Variants in PEBP4 observed in about 807,000 individuals in gnomAD.
The protein encoded by PEBP4 is phosphatidylethanolamine-binding protein 4.
In PEBP4, 22 loss-of-function variants were observed where a neutral mutation model predicts 23.9. The ratio of observed to expected loss-of-function variants is 0.92; its 90% CI spans 0.66 to 1.31. The LOEUF is 1.31. Among genes scored for constraint, PEBP4 ranks in the 40% most tolerant of loss-of-function variants. The pLI is 0.00. For missense variants in PEBP4, 324 were observed against 281.7 expected (o/e 1.15, Z -1.07); for synonymous variants, 112 against 99.3 (o/e 1.13, Z -0.76).
chr8:22,810,078 C>T (rs1190400483), intron 4 of PEBP4, among the ~76,000 whole-genome samples: 4 of 152,244 alleles, frequency 2.6e-5, no homozygotes, highest in Admixed American at 1.3e-4. Flanking sequence ...AAAACTTCCC[C>T]CACTGGTCCT....
intron 4 of PEBP4, among the ~76,000 whole-genome samples, chr8:22,749,651 C>T (rs1805204304): frequency 6.6e-6 from 1 of 152,108 alleles, no homozygotes; most frequent in South Asian, 2.1e-4. Context: ...TATGCAGGCA[C>T]CAATGAGCTG....
At chr8:22,720,085 C>T (rs1432415121) in intron 6 of PEBP4, among the ~76,000 whole-genome samples, 1 of 152,138 alleles carries the variant, frequency 6.6e-6, no homozygotes, top group East Asian at 1.9e-4. Context: ...GGCACAGGGA[C>T]AGGTGGGAGA....
intron 4 of PEBP4, among the ~76,000 whole-genome samples, chr8:22,785,454 GC>G (rs1372876604): frequency 6.6e-6 from 1 of 152,100 alleles, no homozygotes; most frequent in East Asian, 1.9e-4. Context: ...TCTCGGAGAC[GC>G]CCTATCTCTG....
intron 3 of PEBP4, among the ~76,000 whole-genome samples, chr8:22,917,007 A>G (rs781503818): frequency 2.6e-5 from 4 of 152,096 alleles, no homozygotes; most frequent in Non-Finnish European, 5.9e-5. Flanking sequence ...GCAGGGTCCA[A>G]AGACGCCAAG....
chr8:22,793,433 A>ATT (rs11315221), intron 4 of PEBP4, among the ~76,000 whole-genome samples: 95 of 120,320 alleles, frequency 7.9e-4, no homozygotes, highest in Non-Finnish European at 9.1e-4. Flanking sequence ...CGCCCAGCTC[A>ATT]TTTTTTTTTT....
At chr8:22,844,049 G>T (rs367888864) in intron 3 of PEBP4, among the ~76,000 whole-genome samples, 1 of 152,138 alleles carries the variant, frequency 6.6e-6, no homozygotes, top group African/African-American at 2.4e-5. Context: ...ATAATAACTG[G>T]AGTGCTCATA....
chr8:22,751,630 C>CTG lies in PEBP4; in HGVS notation c.358-24412_358-24411dup, dbSNP rs66800038. On this transcript the variant is annotated intron_variant, in intron 4 of 6. Transcript: ENST00000256404. ...TGTGTCTGTGTGTGTGTGTGTGTCT[C>CTG]TGTGTGTGTGTGTGTGTGTGTGTGT... 6.9e-3 allele frequency among the ~76,000 whole-genome samples: 951 copies of CTG among 137,646 alleles called. 6 individuals are homozygous for CTG. Among genetic ancestry groups the CTG allele is most frequent in the African/African-American group, 0.021 (725 of 34,710 alleles). The allele number at this position is 137,646 out of a possible 152,430, so 90.3% of individuals were successfully genotyped here. A position where few individuals can be genotyped will look rare whatever the true frequency, so the allele number is the denominator to read the frequency against.
chr8:22,776,849 AG>A (rs2128754679), intron 4 of PEBP4, among the ~76,000 whole-genome samples: 1 of 150,524 alleles, frequency 6.6e-6, no homozygotes, highest in East Asian at 2.0e-4. Context: ...GCAGCGCTGA[AG>A]TGAAGCCTGC....
intron 4 of PEBP4, chr8:22,756,866 C>A (rs1805394355): frequency 6.6e-6 from 1 of 152,200 alleles, no homozygotes; most frequent in African/African-American, 2.4e-5. Context: ...AGTCTCTGGA[C>A]CTAGGACCCC....
rs33911395 is a variant in PEBP4 at position 22,795,163 on chromosome 8, A to ATTTTTTT, written c.357+22467_357+22473dup. ...TGTGTGTATATATATATATATATAT[A>ATTTTTTT]TTTTTTTTTTTTTTTTTTTTTTTTT... On this transcript the variant is annotated intron_variant, in intron 4 of 6. Coordinates refer to ENST00000256404, the MANE Select transcript of PEBP4 (RefSeq NM_144962.3). Among the ~76,000 whole-genome samples, 65 of 47,346 alleles carry ATTTTTTT rather than the reference A, an allele frequency of 1.4e-3. 13 individuals are homozygous for ATTTTTTT. Among genetic ancestry groups the ATTTTTTT allele is most frequent in the Non-Finnish European group, 1.8e-3 (54 of 29,360 alleles). 31.1% of individuals were successfully genotyped at this position (47,346 alleles called of 152,430 possible).
chr8:22,911,193 T>C (rs1808931827), intron 3 of PEBP4, among the ~76,000 whole-genome samples: 1 of 152,208 alleles, frequency 6.6e-6, no homozygotes, highest in Non-Finnish European at 1.5e-5. Context: ...TAATACCTGC[T>C]CTGCCTGCCA....
chr8:22,847,193 C>T (rs1807456049), intron 3 of PEBP4, among the ~76,000 whole-genome samples: 1 of 143,250 alleles, frequency 7.0e-6, no homozygotes, highest in South Asian at 2.4e-4. Context: ...AGAGGAATGT[C>T]AGCAAGTCAT....
At chr8:22,862,004 C>T (rs1807788243) in intron 3 of PEBP4, among the ~76,000 whole-genome samples, 1 of 152,146 alleles carries the variant, frequency 6.6e-6, no homozygotes, top group Non-Finnish European at 1.5e-5. Flanking sequence ...ATTTCTCCTG[C>T]ATGTTTAGCT....
intron 1 of PEBP4, among the ~76,000 whole-genome samples, chr8:22,940,893 C>G (rs933680059): frequency 1.3e-5 from 2 of 152,184 alleles, no homozygotes; most frequent in African/African-American, 4.8e-5. Context: ...GAAGAAGAGC[C>G]CTTGTCACTT....
At chr8:22,782,215 C>G (rs974087669) in intron 4 of PEBP4, among the ~76,000 whole-genome samples, 2 of 152,334 alleles carry the variant, frequency 1.3e-5, no homozygotes, top group East Asian at 3.9e-4. Flanking sequence ...AATACACTCC[C>G]CTTTAAAAGG....
chr8:22,807,596 ATTTATG>A (rs1453977454), intron 4 of PEBP4, among the ~76,000 whole-genome samples: 1 of 152,120 alleles, frequency 6.6e-6, no homozygotes, highest in African/African-American at 2.4e-5. Context: ...TTGTCTTTTA[ATTTATG>A]TTTATGATTC....
At chr8:22,746,989 C>A (rs957855079) in intron 4 of PEBP4, among the ~76,000 whole-genome samples, 1 of 151,944 alleles carries the variant, frequency 6.6e-6, no homozygotes, top group Non-Finnish European at 1.5e-5. Context: ...CCACACCCAG[C>A]TAATTTTTAT....
chr8:22,787,951 G>A (rs960287336), intron 4 of PEBP4, among the ~76,000 whole-genome samples: 1 of 152,258 alleles, frequency 6.6e-6, no homozygotes, highest in East Asian at 1.9e-4. Flanking sequence ...CGTTGATAAC[G>A]CGTTGTGGAT....
intron 3 of PEBP4, among the ~76,000 whole-genome samples, chr8:22,862,059 G>A (rs564357688): frequency 6.6e-5 from 10 of 152,236 alleles, no homozygotes; most frequent in African/African-American, 2.4e-4. Context: ...CGCTTGATCA[G>A]GAGTATTGAT....
Sources: gnomAD v4.1 joint callset for allele counts (sites outside exome capture counted in the v4.1 genomes callset) on GRCh38, gnomAD v4.1.1 for gene constraint, MANE v1.5 for transcripts, NCBI Gene and HGNC (gene_info 2026-07-23, HGNC 2026-07-21) for gene names.